MARCHF1: variants seen among roughly 807,000 people sequenced by gnomAD.
MARCHF1 encodes membrane associated ring-CH-type finger 1, also known as E3 ubiquitin-protein ligase MARCHF1.
Under a neutral mutation model 54.2 loss-of-function variants are expected in MARCHF1, and 40 were observed. The observed-to-expected ratio is 0.74, with a 90% CI of 0.57 to 0.96. The LOEUF (loss-of-function observed/expected upper bound fraction) is 0.96. Ranked by LOEUF, MARCHF1 falls within the 40% of genes least tolerant of loss-of-function variation. The probability of loss-of-function intolerance (pLI) is 0.00; values close to 1 mark genes in which losing one functional copy is unlikely to be tolerated. For missense variants in MARCHF1, 586 were observed against 656.5 expected, an observed-to-expected ratio of 0.89 and a Z score of 1.17; for synonymous variants, 236 against 236.3, an observed-to-expected ratio of 1.00 and a Z score of 0.01.
intron 1 of MARCHF1, among the ~76,000 whole-genome samples, chr4:164,318,441 G>A (rs543712951): frequency 5.3e-5 from 8 of 152,094 alleles, no homozygotes; most frequent in Non-Finnish European, 1.2e-4. Context: ...ATTCAGAAAT[G>A]GTCAAGTGAA....
chr4:163,963,512 T>A (rs1030705584), intron 3 of MARCHF1, among the ~76,000 whole-genome samples: 4 of 151,904 alleles, frequency 2.6e-5, no homozygotes, highest in African/African-American at 9.7e-5. Flanking sequence ...ACTGCAGAGA[T>A]CATTAAGGCC....
intron 2 of MARCHF1, among the ~76,000 whole-genome samples, chr4:164,026,419 A>T (rs936056964): frequency 1.3e-5 from 2 of 152,160 alleles, no homozygotes; most frequent in Non-Finnish European, 2.9e-5. Flanking sequence ...GGGATGCAAG[A>T]CTTGTTCAGC....
At chr4:163,727,659 T>C (rs756778180) in intron 4 of MARCHF1, among the ~76,000 whole-genome samples, 5 of 151,956 alleles carry the variant, frequency 3.3e-5, no homozygotes, top group Non-Finnish European at 7.4e-5. Flanking sequence ...TTGCACCATT[T>C]GTTGAAAAGG....
At chr4:164,209,287 C>A (rs1463564356) in intron 1 of MARCHF1, among the ~76,000 whole-genome samples, 1 of 152,128 alleles carries the variant, frequency 6.6e-6, no homozygotes, top group African/African-American at 2.4e-5. Context: ...CAATTTATAG[C>A]TCTACCACTT....
intron 7 of MARCHF1, among the ~76,000 whole-genome samples, chr4:163,592,260 C>T (rs1449249579): frequency 1.3e-5 from 2 of 152,222 alleles, no homozygotes; most frequent in East Asian, 3.9e-4. Flanking sequence ...GACAGTTCTT[C>T]ATACATATGT....
chr4:164,053,198 G>C (rs755004318), intron 2 of MARCHF1, among the ~76,000 whole-genome samples: 1 of 151,988 alleles, frequency 6.6e-6, no homozygotes, highest in African/African-American at 2.4e-5. Flanking sequence ...CTTGAGGAAA[G>C]TTTACTTGAA....
intron 4 of MARCHF1, among the ~76,000 whole-genome samples, chr4:163,821,554 A>T (rs1004006055): frequency 2.0e-5 from 3 of 152,094 alleles, no homozygotes; most frequent in Non-Finnish European, 4.4e-5. Flanking sequence ...GATAAAAATT[A>T]AAAAGTTCAA....
rs534397983 is a variant in MARCHF1, at chr4:163,767,683, T to C, written c.112-66820A>G. ...GAGACACCAAAGTTGATGCTGGCTT[T>C]TTCCGCCTTATGTTCTGATCTACCC... is the stretch of plus-strand genomic sequence containing the variant. On this transcript the variant is annotated intron_variant, in intron 4 of 9. Coordinates refer to ENST00000514618, the MANE Select transcript of MARCHF1 (RefSeq NM_001394959.1). 5.9e-5 allele frequency among the ~76,000 whole-genome samples: 9 copies of C among 152,252 alleles called. No homozygotes were observed. In the South Asian group the frequency reaches 1.9e-3, roughly 32 times the overall value.
At chr4:164,124,335 T>A (rs1756135724) in intron 1 of MARCHF1, among the ~76,000 whole-genome samples, 1 of 152,154 alleles carries the variant, frequency 6.6e-6, no homozygotes, top group South Asian at 2.1e-4. Context: ...GGTGGGAATG[T>A]AAATTAGTAC....
chr4:164,063,694 C>T (rs80041115), intron 2 of MARCHF1, among the ~76,000 whole-genome samples: 2,899 of 152,242 alleles, frequency 0.019, 79 homozygotes, highest in African/African-American at 0.066. Flanking sequence ...AATTTTTTAG[C>T]ATTTTTATAT....
chr4:164,241,364 A>G (rs1206288702), intron 1 of MARCHF1, among the ~76,000 whole-genome samples: 2 of 152,134 alleles, frequency 1.3e-5, no homozygotes, highest in African/African-American at 2.4e-5. Flanking sequence ...CTTTGCTGCA[A>G]CATCATTGCT....
At position 163,634,097 on chromosome 4, in the gene MARCHF1, C is replaced by T. The variant is rs1272893440; in HGVS notation, c.163-20704G>A. Among the ~76,000 whole-genome samples, 15 of 152,244 alleles carry T rather than the reference C, an allele frequency of 9.9e-5. No homozygotes were observed. In the East Asian group the frequency reaches 2.9e-3, roughly 29 times the overall value. On this transcript the variant is annotated intron_variant, in intron 5 of 9. Coordinates refer to ENST00000514618, the MANE Select transcript of MARCHF1 (RefSeq NM_001394959.1). ...GCCCTAAAAGAGCTCCTGAAGGAAG[C>T]ACTAAACATGGAAAGGAACAACCGG...
chr4:164,268,069 AAC>A (rs1400886660), intron 1 of MARCHF1, among the ~76,000 whole-genome samples: 1 of 152,192 alleles, frequency 6.6e-6, no homozygotes, highest in Non-Finnish European at 1.5e-5. Flanking sequence ...ATGAGCTTCT[AAC>A]ACACACACAA....
intron 1 of MARCHF1, among the ~76,000 whole-genome samples, chr4:164,200,428 T>G (rs1731421380): frequency 3.3e-5 from 5 of 152,220 alleles, no homozygotes; most frequent in Admixed American, 3.3e-4. Flanking sequence ...TTACCATTTC[T>G]AAATATAACT....
chr4:163,822,523 T>C (rs907390033), intron 4 of MARCHF1, among the ~76,000 whole-genome samples: 12 of 151,892 alleles, frequency 7.9e-5, no homozygotes, highest in African/African-American at 2.9e-4. Flanking sequence ...TAAAAAATAA[T>C]TGGGACTATT....
chr4:164,368,273 G>A (rs2110947759), intron 1 of MARCHF1, among the ~76,000 whole-genome samples: 1 of 150,328 alleles, frequency 6.7e-6, no homozygotes, highest in African/African-American at 2.4e-5. Context: ...AAATCATAAA[G>A]ATATATTATG....
At chr4:164,170,882 A>G (rs1398273232) in intron 1 of MARCHF1, among the ~76,000 whole-genome samples, 1 of 152,180 alleles carries the variant, frequency 6.6e-6, no homozygotes, top group Admixed American at 6.5e-5. Context: ...CCTGGTTGGC[A>G]TGTTACTCAT....
intron 5 of MARCHF1, among the ~76,000 whole-genome samples, chr4:163,649,520 G>A (rs13105536): frequency 0.18 from 28,038 of 151,978 alleles, 3,329 homozygotes; most frequent in Non-Finnish European, 0.27. Flanking sequence ...AATAGCATCC[G>A]CAATGTAGAC....
chr4:163,554,590 G>A (rs556375921), intron 8 of MARCHF1, among the ~76,000 whole-genome samples: 166 of 152,316 alleles, frequency 1.1e-3, no homozygotes, highest in African/African-American at 3.7e-3. Context: ...ACCCCTGTCT[G>A]GCTTGGGTCA....
Sources: gnomAD v4.1 joint callset for allele counts (sites outside exome capture counted in the v4.1 genomes callset) on GRCh38, gnomAD v4.1.1 for gene constraint, MANE v1.5 for transcripts, NCBI Gene and HGNC (gene_info 2026-07-23, HGNC 2026-07-21) for gene names.